The following IFT56 variants were observed in gnomAD, a reference collection of about 807,000 sequenced individuals.
IFT56 encodes the protein intraflagellar transport 56.
chr7:139,168,376 C>T, the IFT56 span: 4 of 1,610,322 alleles, frequency 2.5e-6, no homozygotes, highest in East Asian at 8.9e-5. Flanking sequence ...TCAATGCAGC[C>T]CTTGGCCAGG....
At chr7:139,168,337 T>C in the IFT56 span, 1 of 1,588,068 alleles carries the variant, frequency 6.3e-7, no homozygotes, top group South Asian at 1.1e-5. Context: ...TTATTCCATG[T>C]TTCTAGGAGT....
At chr7:139,140,143 C>G in the IFT56 span, 1 of 543,576 alleles carries the variant, frequency 1.8e-6, no homozygotes, top group Non-Finnish European at 3.2e-6. Flanking sequence ...CTTTAGTCCT[C>G]AAAGAATATT....
chr7:139,186,111 A>T, the IFT56 span, among the ~76,000 whole-genome samples: 1 of 150,722 alleles, frequency 6.6e-6, no homozygotes, highest in African/African-American at 2.5e-5. Flanking sequence ...TGGTAACAGT[A>T]TGTATTTATG....
chr7:139,158,899 G>C, the IFT56 span, among the ~76,000 whole-genome samples: 2 of 152,122 alleles, frequency 1.3e-5, no homozygotes, highest in East Asian at 3.8e-4. Flanking sequence ...GAGTGGCAGA[G>C]TGAGACCCTG....
chr7:139,183,687 A>AC, the IFT56 span, among the ~76,000 whole-genome samples: 2 of 151,964 alleles, frequency 1.3e-5, no homozygotes, highest in Non-Finnish European at 2.9e-5. Flanking sequence ...AAAAAAAAAA[A>AC]CCAACCATGA....
At chr7:139,168,379 T>C in the IFT56 span, 3 of 1,611,914 alleles carry the variant, frequency 1.9e-6, no homozygotes, top group Non-Finnish European at 2.5e-6. Context: ...ATGCAGCCCT[T>C]GGCCAGGAAA....
chr7:139,148,520 A>G, the IFT56 span: 5 of 714,946 alleles, frequency 7.0e-6, no homozygotes, highest in East Asian at 1.0e-4. Context: ...TAAGAACCTA[A>G]TTATATGTTT....
the IFT56 span, chr7:139,174,142 G>A: frequency 1.7e-6 from 1 of 594,468 alleles, no homozygotes. Context: ...ATTTTCATCA[G>A]TATCATGAAG....
At chr7:139,187,385 C>T in the IFT56 span, 11 of 1,612,216 alleles carry the variant, frequency 6.8e-6, no homozygotes, top group South Asian at 1.1e-5. Flanking sequence ...CAAGTATTAC[C>T]ACATACGTTC....
the IFT56 span, chr7:139,161,352 C>T: frequency 4.3e-6 from 1 of 232,788 alleles, no homozygotes; most frequent in Non-Finnish European, 8.2e-6. Flanking sequence ...TGAAGGATGG[C>T]TGAGATTTGG....
At chr7:139,139,427 G>A in the IFT56 span, among the ~76,000 whole-genome samples, 2 of 152,034 alleles carry the variant, frequency 1.3e-5, no homozygotes, top group African/African-American at 4.8e-5. Context: ...AAGTGTCCTT[G>A]GCAGGAAAAA....
At chr7:139,166,803 G>T in the IFT56 span, 3 of 1,260,084 alleles carry the variant, frequency 2.4e-6, no homozygotes, top group South Asian at 1.3e-5. Flanking sequence ...GGGTTTTCTG[G>T]AATACAGACT....
At chr7:139,187,072 G>A in the IFT56 span, among the ~76,000 whole-genome samples, 5 of 135,084 alleles carry the variant, frequency 3.7e-5, no homozygotes, top group Admixed American at 8.2e-5. Context: ...CCGCAGTCCG[G>A]CCTGGGCGAC....
chr7:139,141,284 A>G, the IFT56 span, among the ~76,000 whole-genome samples: 1 of 150,198 alleles, frequency 6.7e-6, no homozygotes, highest in African/African-American at 2.5e-5. Context: ...ACAGGGTCTC[A>G]CTGTGTTGTC....
chr7:139,173,310 C>T, the IFT56 span: 24 of 422,898 alleles, frequency 5.7e-5, 1 homozygote, highest in South Asian at 3.7e-4. Flanking sequence ...TCACTGCAAC[C>T]TCTGCCTCCT....
chr7:139,134,054 T>C, the IFT56 span, among the ~76,000 whole-genome samples: 1 of 152,200 alleles, frequency 6.6e-6, no homozygotes, highest in Non-Finnish European at 1.5e-5. Context: ...CTTTTCCGTT[T>C]ACTCACATTT....
the IFT56 span, among the ~76,000 whole-genome samples, chr7:139,184,457 A>G: frequency 6.6e-6 from 1 of 152,210 alleles, no homozygotes; most frequent in Non-Finnish European, 1.5e-5. Flanking sequence ...ATAGGGTCCC[A>G]TACTGTTTGC....
the IFT56 span, chr7:139,187,498 T>G: frequency 6.2e-7 from 1 of 1,614,170 alleles, no homozygotes. Context: ...GGGGTGCCTG[T>G]GTGGGCATTT....
the IFT56 span, chr7:139,173,707 C>T: frequency 1.3e-6 from 1 of 770,976 alleles, no homozygotes. Flanking sequence ...GACGAGGCCT[C>T]TCATTGGCTG....
Sources: allele counts gnomAD v4.1 joint callset (sites outside exome capture counted in the v4.1 genomes callset), GRCh38; gene constraint gnomAD v4.1.1; transcripts MANE v1.5; gene names NCBI Gene and HGNC (gene_info 2026-07-23, HGNC 2026-07-21).